CALCA: variants seen among roughly 807,000 people sequenced by gnomAD.
The protein encoded by CALCA is calcitonin.
In CALCA, 4 loss-of-function variants were observed where a neutral mutation model predicts 6.9. The observed-to-expected ratio is 0.58, with a 90% CI of 0.29 to 1.33. CALCA has a LOEUF of 1.33. Among genes scored for constraint, CALCA ranks in the 40% most tolerant of loss-of-function variants. The pLI, the probability that CALCA is intolerant of heterozygous loss-of-function variation, is 0.09. For synonymous variants in CALCA, 78 were observed against 70.0 expected (o/e 1.11, Z -0.57); for missense variants, 174 against 178.3 (o/e 0.98, Z 0.14).
At position 14,971,197 on chromosome 11, in the gene CALCA, C is replaced by T; in HGVS notation, c.-5G>A. On this transcript the variant is annotated 5_prime_UTR_variant, in exon 2 of 4. It adds an upstream start codon to the 5' untranslated region. Coordinates refer to ENST00000331587, the MANE Select transcript of CALCA (RefSeq NM_001741.3). Reference sequence around the variant, plus strand: ...GGAGAACTTTTGGAAGCCCATGACACCTCTCTGCAAGGGAAGAATGAGATA... The same window carrying T: ...GGAGAACTTTTGGAAGCCCATGACATCTCTCTGCAAGGGAAGAATGAGATA... 3 of 1,612,644 alleles carry T rather than the reference C, an allele frequency of 1.9e-6. No individual in the cohort carries two copies. The highest frequency in any genetic ancestry group is 2.5e-6 in the Non-Finnish European group (3 of 1,178,666).
chr11:14,971,993 C>G (rs1849617855), intron 1 of CALCA, among the ~76,000 whole-genome samples: 1 of 152,186 alleles, frequency 6.6e-6, no homozygotes, highest in Admixed American at 6.5e-5. Context: ...TGTCCCGAGA[C>G]TGGCCTAAGC....
At chr11:14,969,552 G>A (rs1212959219) in intron 3 of CALCA, among the ~76,000 whole-genome samples, 1 of 151,986 alleles carries the variant, frequency 6.6e-6, no homozygotes, top group Non-Finnish European at 1.5e-5. Context: ...GATTAACAAG[G>A]TGGATCCAAA....
chr11:14,967,296 T>C (rs2133578293), downstream of CALCA, among the ~76,000 whole-genome samples: 1 of 152,326 alleles, frequency 6.6e-6, no homozygotes, highest in South Asian at 2.1e-4. Flanking sequence ...AAAGGGCAAA[T>C]ACAGTTCTTG....
chr11:14,970,642 G>A (rs1445296182), intron 2 of CALCA, among the ~76,000 whole-genome samples: 1 of 152,192 alleles, frequency 6.6e-6, no homozygotes. Flanking sequence ...GCTCACGGCT[G>A]TAATCTCAGC....
Position 14,971,148 on chromosome 11 carries a change from C to T in CALCA, c.45G>A (p.Leu15=). 1 of 1,614,066 alleles carries T rather than the reference C, an allele frequency of 6.2e-7. No individual in the cohort carries two copies. The highest frequency in any genetic ancestry group is 8.5e-7 in the Non-Finnish European group (1 of 1,180,016). Residue 15 remains leucine, a synonymous_variant, in exon 2 of 4, where the codon TTG becomes TTA. Transcript: ENST00000331587. ...GGAGGCTGCCTGCCTGCAACAGGAC[C>T]AAGATGCTGAGAGCCAGGAAGGGGG... ...KFSPFLALSI[L]VLLQAGSLHA...
downstream of CALCA, chr11:14,966,857 C>T (rs1312722250): frequency 2.0e-5 from 3 of 152,552 alleles, no homozygotes; most frequent in Non-Finnish European, 2.9e-5. Flanking sequence ...GCTGACGGGG[C>T]CTAGATTTGC....
chr11:14,967,593 C>A, downstream of CALCA: 2 of 1,529,560 alleles, frequency 1.3e-6, no homozygotes, highest in South Asian at 1.2e-5. Context: ...ACCACATGGT[C>A]TCAGAGAGGC....
intron 2 of CALCA, 111 bp from the exon 3 acceptor site, chr11:14,970,186 C>T (rs1485877668): frequency 5.8e-5 from 86 of 1,476,888 alleles, no homozygotes; most frequent in Middle Eastern, 1.9e-4. Context: ...ATGTGGCCAG[C>T]GGGAGTCCTA....
chr11:14,969,106 G>T, intron 3 of CALCA, 109 bp from the exon 4 acceptor site: 2 of 930,744 alleles, frequency 2.1e-6, no homozygotes, highest in Non-Finnish European at 3.5e-6. Context: ...GGAGGGGCAG[G>T]CAGGAGGGCA....
chr11:14,970,847 C>T lies in CALCA; in HGVS notation c.86+260G>A, dbSNP rs534101241. The stretch of plus-strand genomic sequence containing the variant: ...CCCAGGAGATGGAAGTTGCAGTGAG[C>T]CGACACGGTGCCATTGCACTCCAGC... On this transcript the variant is annotated intron_variant, in intron 2 of 3. Transcript: ENST00000331587. Among the ~76,000 whole-genome samples, 3 of 152,200 alleles carry T rather than the reference C, an allele frequency of 2.0e-5. No homozygotes were observed. In the South Asian group the frequency reaches 6.2e-4, roughly 32 times the overall value.
chr11:14,966,821 G>A (rs1258338576), downstream of CALCA: 4 of 152,636 alleles, frequency 2.6e-5, no homozygotes, highest in South Asian at 6.2e-4. Flanking sequence ...CTGAGGTTTA[G>A]CAGAGCCACC....
chr11:14,971,050 C>G (rs1565209642), intron 2 of CALCA, 57 bp downstream of exon 2: 1 of 1,445,538 alleles, frequency 6.9e-7, no homozygotes, highest in East Asian at 2.3e-5. Context: ...GTACACCACA[C>G]TTAAGAGGCA....
chr11:14,968,660 C>T lies in CALCA; in HGVS notation c.*139G>A. The T allele has an allele frequency of 1.9e-6, 3 of 1,603,670 alleles. No individual in the cohort carries two copies. Among genetic ancestry groups the T allele is most frequent in the Non-Finnish European group, 2.6e-6 (3 of 1,175,646 alleles). On this transcript the variant is annotated 3_prime_UTR_variant, in exon 4 of 4. Transcript: ENST00000331587. ...CTGTGAGTCCTGCTCTCTTTCCTCC[C>T]ATCTGAAGTTTGAGACATCCTCTGC...
chr11:14,969,356 A>G (rs1849535178), intron 3 of CALCA, among the ~76,000 whole-genome samples: 1 of 152,088 alleles, frequency 6.6e-6, no homozygotes, highest in East Asian at 1.9e-4. Flanking sequence ...AGGGATGTGG[A>G]TCTGGGGAAG....
downstream of CALCA, chr11:14,968,321 C>T: frequency 2.1e-6 from 1 of 474,126 alleles, no homozygotes; most frequent in African/African-American, 2.0e-5. Flanking sequence ...AGCATCAAGT[C>T]CTAGAGGTGC....
downstream of CALCA, among the ~76,000 whole-genome samples, chr11:14,967,447 G>T (rs1382215133): frequency 2.0e-5 from 3 of 152,210 alleles, no homozygotes; most frequent in Admixed American, 1.3e-4. Flanking sequence ...AAATAAACAG[G>T]ATCTGTATTT....
At position 14,971,203 on chromosome 11, in the gene CALCA, T is replaced by C. The variant is rs1555026467; in HGVS notation, c.-9-2A>G. 2 of 1,609,644 alleles carry C rather than the reference T, an allele frequency of 1.2e-6. No homozygotes were observed. The highest frequency in any genetic ancestry group is 3.3e-5 in the Admixed American group (2 of 60,010). On this transcript the variant is annotated splice_acceptor_variant, in intron 1 of 3. Transcript: ENST00000331587. LOFTEE classifies it low-confidence loss of function (5UTR_SPLICE). ...CTTTTGGAAGCCCATGACACCTCTC[T>C]GCAAGGGAAGAATGAGATAAACCAC... is the stretch of plus-strand genomic sequence containing the variant.
Position 14,968,826 on chromosome 11 carries a change from A to G in CALCA, c.399T>C (p.His133=), listed in dbSNP as rs1555025831. 6.2e-7 allele frequency: 1 copy of G among 1,614,222 alleles called. No individual in the cohort carries two copies. The highest frequency in any genetic ancestry group is 2.2e-5 in the East Asian group (1 of 44,884). Residue 133 remains histidine, a synonymous_variant, in exon 4 of 4, where the codon CAT becomes CAC. Transcript: ENST00000331587. ...SSDLERDHRP[H]VSMPQNAN is the part of the protein sequence containing the mutation. ...AGTTGGCATTCTGGGGCATGCTAAC[A>G]TGAGGGCGATGGTCTCTCTCCAAGT...
intron 1 of CALCA, 101 bp downstream of exon 1, chr11:14,972,144 C>T (rs948621410): frequency 2.0e-5 from 3 of 152,356 alleles, no homozygotes; most frequent in African/African-American, 7.2e-5. Context: ...GATGAAGAGA[C>T]TAACGGAGAG....
Sources: allele counts gnomAD v4.1 joint callset (sites outside exome capture counted in the v4.1 genomes callset), GRCh38; gene constraint gnomAD v4.1.1; transcripts MANE v1.5; gene names NCBI Gene and HGNC (gene_info 2026-07-23, HGNC 2026-07-21).